TRAK1: variants seen among roughly 807,000 people sequenced by gnomAD.
TRAK1 encodes trafficking kinesin-binding protein 1.
TRAK1 carries 33 observed loss-of-function variants against 92.1 expected under a neutral mutation model. The observed-to-expected ratio is 0.36, with a 90% CI of 0.27 to 0.48. TRAK1 has a LOEUF of 0.48. Among genes scored for constraint, TRAK1 ranks in the 20% least tolerant of loss-of-function variants. The probability of loss-of-function intolerance (pLI) is 0.99; values close to 1 mark genes in which losing one functional copy is unlikely to be tolerated. For missense variants in TRAK1, 1,123 were observed against 1,257.9 expected (o/e 0.89, Z 1.62); for synonymous variants, 521 against 517.3 (o/e 1.01, Z -0.10).
At chr3:42,212,688 CT>C (rs1187623257) in intron 14 of TRAK1, 2 of 523,032 alleles carry the variant, frequency 3.8e-6, no homozygotes, top group Non-Finnish European at 4.9e-6. Flanking sequence ...AGAAAGTATA[CT>C]TTATCAGAAC....
At chr3:42,123,416 A>C (rs950011334) in intron 1 of TRAK1, among the ~76,000 whole-genome samples, 1 of 151,382 alleles carries the variant, frequency 6.6e-6, no homozygotes, top group Non-Finnish European at 1.5e-5. Flanking sequence ...TCTGCAGTGA[A>C]TCCCTGGCCC....
At chr3:42,220,128 G>A (rs1397694888) in intron 15 of TRAK1, among the ~76,000 whole-genome samples, 1 of 152,102 alleles carries the variant, frequency 6.6e-6, no homozygotes, top group Non-Finnish European at 1.5e-5. Flanking sequence ...TTTTATTTAT[G>A]GATGGAGTTA....
chr3:42,213,082 G>C (rs1290916453), intron 14 of TRAK1, among the ~76,000 whole-genome samples: 1 of 129,200 alleles, frequency 7.7e-6, no homozygotes, highest in African/African-American at 2.8e-5. Context: ...TTTTTGAGAC[G>C]GAGTCTTGCT....
At chr3:42,108,239 C>G (rs962176743) in intron 1 of TRAK1, among the ~76,000 whole-genome samples, 3 of 151,930 alleles carry the variant, frequency 2.0e-5, no homozygotes, top group African/African-American at 7.3e-5. Context: ...GCCTGTAATC[C>G]CAGCACTTTG....
chr3:42,053,257 C>T lies in TRAK1; in HGVS notation c.-518-33847C>T, dbSNP rs190015564. On this transcript the variant is annotated intron_variant, in intron 1 of 16. Transcript: ENST00000487159. ...TTTACAGTTCGTGTAGTGTGATAGCCGAGCTCATTTTCCGTGTGAAGAAAA... is the reference window on the plus strand; with the variant it reads ...TTTACAGTTCGTGTAGTGTGATAGCTGAGCTCATTTTCCGTGTGAAGAAAA... Among the ~76,000 whole-genome samples the T allele has an allele frequency of 2.4e-4, 36 of 151,550 alleles. No homozygotes were observed. The Middle Eastern group carries it at 0.017, about 72-fold the overall frequency.
intron 6 of TRAK1, 58 bp from the exon 7 acceptor site, chr3:42,191,500 G>C: frequency 6.6e-7 from 1 of 1,521,868 alleles, no homozygotes; most frequent in Non-Finnish European, 8.9e-7. Flanking sequence ...CTCAGCCCTT[G>C]CCTGCACCAC....
chr3:42,209,650 A>G, intron 13 of TRAK1, 117 bp from the exon 14 acceptor site: 5 of 1,022,844 alleles, frequency 4.9e-6, no homozygotes, highest in Non-Finnish European at 7.1e-6. Context: ...GGAGGCCCAG[A>G]CCCTGCTGGG....
intron 4 of TRAK1, among the ~76,000 whole-genome samples, chr3:42,187,804 G>A (rs1463194): frequency 0.7 from 105,921 of 152,108 alleles, 37,380 homozygotes; most frequent in East Asian, 0.98. Flanking sequence ...GCTCCTCCCT[G>A]TACCAAAGTA....
chr3:42,086,188 C>T (rs1040077541), upstream of TRAK1, among the ~76,000 whole-genome samples: 8 of 152,184 alleles, frequency 5.3e-5, no homozygotes, highest in South Asian at 2.1e-4. Context: ...CTGTTGCCGG[C>T]GCAGAGCGGA....
chr3:42,039,146 C>T (rs1225963967), intron 1 of TRAK1, among the ~76,000 whole-genome samples: 1 of 152,100 alleles, frequency 6.6e-6, no homozygotes, highest in African/African-American at 2.4e-5. Flanking sequence ...CTGGATATGC[C>T]TATTTTGGAC....
rs1366699138 is a variant in TRAK1, at chr3:42,201,015, C to A, written c.1388C>A (p.Thr463Asn). ...GGCAACGTCGTCCTCGACAACAAGACCAACAGCATCATTCTGGAAACAGAG... is the reference window on the plus strand; with the variant it reads ...GGCAACGTCGTCCTCGACAACAAGAACAACAGCATCATTCTGGAAACAGAG... ...DIGNVVLDNK[T>N]NSIILETEAA... Residue 463 changes from threonine (T) to asparagine (N), a missense_variant, in exon 12 of 16, where the codon ACC (threonine) becomes AAC (asparagine). Physicochemically the swap from Thr to Asn is moderately conservative, Grantham distance 65. Transcript: ENST00000327628. The A allele has an allele frequency of 6.2e-7, 1 of 1,614,064 alleles. No homozygotes were observed. Among genetic ancestry groups the A allele is most frequent in the Non-Finnish European group, 8.5e-7 (1 of 1,180,062 alleles).
intron 1 of TRAK1, among the ~76,000 whole-genome samples, chr3:42,123,360 GGGGAA>G (rs1190349885): frequency 3.9e-5 from 6 of 152,222 alleles, no homozygotes; most frequent in Admixed American, 1.3e-4. Flanking sequence ...GCTCAAGCAG[GGGGAA>G]CAGGGAAGGG....
chr3:42,149,555 C>T lies in TRAK1; in HGVS notation c.286+23941C>T, dbSNP rs1018509561. On this transcript the variant is annotated intron_variant, in intron 2 of 15. Coordinates refer to ENST00000327628, the MANE Select transcript of TRAK1 (RefSeq NM_001042646.3). The stretch of plus-strand genomic sequence containing the variant: ...CTGACTATGCAGAAATTTATCGAAG[C>T]GGATTATTATGAACTAGACTGGTAT... The T allele has an allele frequency of 2.3e-5, 36 of 1,535,910 alleles. No homozygotes were observed. The highest frequency in any genetic ancestry group is 4.1e-5 in the African/African-American group (3 of 72,976).
At chr3:42,092,285 G>A (rs1381550090) in intron 1 of TRAK1, among the ~76,000 whole-genome samples, 1 of 152,064 alleles carries the variant, frequency 6.6e-6, no homozygotes, top group African/African-American at 2.4e-5. Context: ...CTGTCTACAC[G>A]CTGCTTCCTG....
At position 42,202,508 on chromosome 3, in the gene TRAK1, G is replaced by A. The variant is rs1707771181; in HGVS notation, c.1500G>A (p.Arg500=). The A allele has an allele frequency of 6.6e-7, 1 of 1,524,548 alleles. No individual in the cohort carries two copies. The highest frequency in any genetic ancestry group is 1.3e-5 in the South Asian group (1 of 77,546). 94.4% of individuals were successfully genotyped at this position (1,524,548 alleles called of 1,614,324 possible). A position where few individuals can be genotyped will look rare whatever the true frequency, so the allele number is the denominator to read the frequency against. Reference sequence around the variant, plus strand: ...CCCACGACCTGGAGACGGCGCTGAGGCGGCTGTCCCTGCGCCGGGAGAACT... The same window carrying A: ...CCCACGACCTGGAGACGGCGCTGAGACGGCTGTCCCTGCGCCGGGAGAACT... The part of the protein sequence containing the change: ...PGSHDLETAL[R]RLSLRRENYL... Residue 500 remains arginine, a synonymous_variant, in exon 13 of 16, where the codon AGG becomes AGA. Coordinates refer to ENST00000327628, the MANE Select transcript of TRAK1 (RefSeq NM_001042646.3). This position sits in a 1 kb window ranked among gnomAD's most constrained non-coding sequence, Gnocchi z 6.1.
rs1704266364 is a variant in TRAK1, at chr3:42,078,553, A to C, written c.-518-8551A>C. Among the ~76,000 whole-genome samples, 7 of 152,138 alleles carry C rather than the reference A, an allele frequency of 4.6e-5. No homozygotes were observed. In the South Asian group the frequency reaches 1.5e-3, roughly 32 times the overall value. ...CGGATCATGAGGTCAGGAGATCGAG[A>C]CCATCCTGGCTAACACAGTGAAACC... On this transcript the variant is annotated intron_variant, in intron 1 of 16. Transcript: ENST00000487159.
At chr3:42,016,030 C>A (rs1024402301) in intron 1 of TRAK1, among the ~76,000 whole-genome samples, 2 of 151,898 alleles carry the variant, frequency 1.3e-5, no homozygotes, top group African/African-American at 4.8e-5. Flanking sequence ...GAGCAAGACC[C>A]CATCTCAAAA....
intron 2 of TRAK1, among the ~76,000 whole-genome samples, chr3:42,167,887 A>C (rs757149855): frequency 6.6e-6 from 1 of 152,206 alleles, no homozygotes; most frequent in Non-Finnish European, 1.5e-5. Context: ...TCTCAAAAAC[A>C]ACAGCAACAA....
intron 1 of TRAK1, among the ~76,000 whole-genome samples, chr3:42,044,222 A>G (rs1451497396): frequency 6.6e-6 from 1 of 152,164 alleles, no homozygotes; most frequent in Non-Finnish European, 1.5e-5. Context: ...GTGCAGTGGC[A>G]CAATCACAGC....
Sources: gnomAD v4.1 joint callset for allele counts (sites outside exome capture counted in the v4.1 genomes callset) on GRCh38, gnomAD v4.1.1 for gene constraint, Gnocchi (gnomAD v3.1) non-coding constraint, MANE v1.5 for transcripts, NCBI Gene and HGNC (gene_info 2026-07-23, HGNC 2026-07-21) for gene names.